Variants in MCC observed in about 807,000 individuals in gnomAD.
MCC encodes the protein MCC regulator of Wnt signaling pathway, also known as colorectal mutant cancer protein.
In MCC, 90 loss-of-function variants were observed where a neutral mutation model predicts 116.2. The ratio of observed to expected loss-of-function variants is 0.77; its 90% CI spans 0.65 to 0.92. The LOEUF is 0.92. MCC is among the 40% of genes least tolerant of loss of function. The probability of loss-of-function intolerance (pLI) is 0.00; values close to 1 mark genes in which losing one functional copy is unlikely to be tolerated. For missense variants in MCC, 1,516 were observed against 1,312.2 expected, an observed-to-expected ratio of 1.16 and a Z score of -2.40; for synonymous variants, 578 against 510.5, an observed-to-expected ratio of 1.13 and a Z score of -1.78.
rs913101230 is a variant in MCC, at chr5:113,238,128, A to C, written c.628-86706T>G. Among the ~76,000 whole-genome samples the C allele has an allele frequency of 1.4e-4, 21 of 152,198 alleles. 1 individual carries two copies. The highest frequency in any genetic ancestry group is 3.1e-4 in the Non-Finnish European group (21 of 68,046). On this transcript the variant is annotated intron_variant, in intron 3 of 18. Transcript: ENST00000408903. ...TGGCATAAGTAGCACTCACAGCAAA[A>C]TGCATGCAACCAGTCACTTAAACTC...
chr5:113,180,393 G>C (rs1185371565), intron 3 of MCC, among the ~76,000 whole-genome samples: 3 of 152,120 alleles, frequency 2.0e-5, no homozygotes, highest in Non-Finnish European at 4.4e-5. Context: ...ATATTGTATA[G>C]AGAACCCACC....
At chr5:113,142,612 G>C (rs1028589225) in intron 5 of MCC, among the ~76,000 whole-genome samples, 1 of 147,092 alleles carries the variant, frequency 6.8e-6, no homozygotes, top group Non-Finnish European at 1.6e-5. Flanking sequence ...CTCTCTTTAA[G>C]CTCCAGCTTT....
intron 3 of MCC, among the ~76,000 whole-genome samples, chr5:113,309,307 G>A (rs1465369696): frequency 6.6e-6 from 1 of 152,154 alleles, no homozygotes; most frequent in Non-Finnish European, 1.5e-5. Context: ...AGTGTACACT[G>A]TAGCCAATAG....
intron 2 of MCC, among the ~76,000 whole-genome samples, chr5:113,359,255 CT>C (rs2150384646): frequency 6.6e-6 from 1 of 152,312 alleles, no homozygotes; most frequent in Non-Finnish European, 1.5e-5. Flanking sequence ...TCCCTCTCCC[CT>C]TCCCCCACCC....
In MCC at chr5:113,101,761, T is replaced by A; in HGVS notation, c.1376A>T (p.Glu459Val). 1 of 1,613,334 alleles carries A rather than the reference T, an allele frequency of 6.2e-7. No homozygotes were observed. The highest frequency in any genetic ancestry group is 8.5e-7 in the Non-Finnish European group (1 of 1,179,974). Residue 459 changes from glutamate (E) to valine (V), a missense_variant, in exon 8 of 19, where the codon GAG (glutamate) becomes GTG (valine). Transcript: ENST00000408903. ...CACCCTCCTCCGGAGCCGGTCCCGC[T>A]CTTCCCGGATGGCATTCATGGTGGC... Reference protein sequence around the residue: ...TKATMNAIREERDRLRRRVRE... With the variant: ...TKATMNAIREVRDRLRRRVRE...
chr5:113,269,106 G>T, intron 3 of MCC: 2 of 905,168 alleles, frequency 2.2e-6, no homozygotes, highest in Non-Finnish European at 2.6e-6. Flanking sequence ...AGGGATGAAG[G>T]AAATAAAAGT....
chr5:113,194,220 C>A (rs1347476367), intron 3 of MCC, among the ~76,000 whole-genome samples: 1 of 152,214 alleles, frequency 6.6e-6, no homozygotes, highest in African/African-American at 2.4e-5. Context: ...GAAATCCAGG[C>A]ATCCAGCAGG....
intron 1 of MCC, among the ~76,000 whole-genome samples, chr5:113,461,319 C>T (rs566340350): frequency 1.3e-4 from 20 of 152,256 alleles, no homozygotes; most frequent in African/African-American, 4.1e-4. Flanking sequence ...CTAAGAACAG[C>T]CCCCTTTATA....
intron 3 of MCC, among the ~76,000 whole-genome samples, chr5:113,309,229 A>G (rs996182369): frequency 3.3e-5 from 5 of 152,184 alleles, no homozygotes; most frequent in African/African-American, 1.2e-4. Flanking sequence ...GGTACAAGTG[A>G]TTTTTGGTTA....
chr5:113,284,436 G>A (rs553036204), intron 3 of MCC, among the ~76,000 whole-genome samples: 1 of 152,286 alleles, frequency 6.6e-6, no homozygotes, highest in African/African-American at 2.4e-5. Context: ...ATGATTTACT[G>A]AAGAATTAAA....
chr5:113,327,241 G>A (rs1767578825), intron 3 of MCC, among the ~76,000 whole-genome samples: 1 of 151,728 alleles, frequency 6.6e-6, no homozygotes, highest in African/African-American at 2.4e-5. Context: ...TTGGGGGGTG[G>A]GATTTACATT....
At chr5:113,199,184 A>C (rs1762570658) in intron 3 of MCC, among the ~76,000 whole-genome samples, 1 of 152,116 alleles carries the variant, frequency 6.6e-6, no homozygotes, top group Admixed American at 6.5e-5. Context: ...AAGAAAAAAA[A>C]AGAAAGAAAT....
chr5:113,028,832 G>T, intron 18 of MCC, 102 bp downstream of exon 18: 2 of 1,371,860 alleles, frequency 1.5e-6, no homozygotes, highest in Non-Finnish European at 1.0e-6. Flanking sequence ...GTTCTTAAGA[G>T]TTAGGGAAAT....
rs376957827 is a variant in MCC, at chr5:113,032,408, C to CAA, written c.2757-3354_2757-3353dup. ...GGGAAACAAGAATGAAACTCTGTAT[C>CAA]AAAAAAAAAAAAAAAAAAAAAAGGA... On this transcript the variant is annotated intron_variant, in intron 17 of 18. Coordinates refer to ENST00000408903, the MANE Select transcript of MCC (RefSeq NM_001085377.2). Among the ~76,000 whole-genome samples, 175 of 63,204 alleles carry CAA rather than the reference C, an allele frequency of 2.8e-3. 1 individual carries two copies. Among genetic ancestry groups the CAA allele is most frequent in the African/African-American group, 6.0e-3 (124 of 20,598 alleles). The allele number at this position is 63,204 out of a possible 152,430, so 41.5% of individuals were successfully genotyped here.
intron 3 of MCC, among the ~76,000 whole-genome samples, chr5:113,284,931 T>G (rs568068485): frequency 4.5e-4 from 68 of 152,342 alleles, no homozygotes; most frequent in African/African-American, 1.4e-3. Context: ...TTTTCAATTT[T>G]TCTAATTCAA....
chr5:113,170,233 G>C (rs188268354), intron 3 of MCC, among the ~76,000 whole-genome samples: 1 of 152,100 alleles, frequency 6.6e-6, no homozygotes, highest in Non-Finnish European at 1.5e-5. Flanking sequence ...TTTTAAACAA[G>C]GACAGATGGA....
intron 3 of MCC, among the ~76,000 whole-genome samples, chr5:113,179,368 A>G (rs1761497167): frequency 6.6e-6 from 1 of 152,200 alleles, no homozygotes; most frequent in African/African-American, 2.4e-5. Context: ...TGTCTTCTCA[A>G]ATGCTGTTAG....
intron 14 of MCC, among the ~76,000 whole-genome samples, chr5:113,058,962 G>A (rs899373542): frequency 1.8e-4 from 28 of 152,238 alleles, no homozygotes; most frequent in Admixed American, 1.2e-3. Context: ...CCATCCCAGG[G>A]AGAACGAAAG....
At chr5:113,074,974 A>G (rs931578643) in intron 11 of MCC, among the ~76,000 whole-genome samples, 4 of 152,232 alleles carry the variant, frequency 2.6e-5, no homozygotes, top group Non-Finnish European at 4.4e-5. Context: ...GGAGCGCTTC[A>G]GCCCACCACT....
Sources: allele counts gnomAD v4.1 joint callset (sites outside exome capture counted in the v4.1 genomes callset), GRCh38; gene constraint gnomAD v4.1.1; transcripts MANE v1.5; gene names NCBI Gene and HGNC (gene_info 2026-07-23, HGNC 2026-07-21).